The following DGKB variants were observed in gnomAD, a reference collection of about 807,000 sequenced individuals.
DGKB encodes the protein diacylglycerol kinase beta, also known as 90 kDa diacylglycerol kinase.
Under a neutral mutation model 114.3 loss-of-function variants are expected in DGKB, and 67 were observed. The ratio of observed to expected loss-of-function variants is 0.59; its 90% CI spans 0.48 to 0.72. The LOEUF (loss-of-function observed/expected upper bound fraction) is 0.72. Ranked by LOEUF, DGKB falls within the 30% of genes least tolerant of loss-of-function variation. The pLI, the probability that DGKB is intolerant of heterozygous loss-of-function variation, is 0.00. For synonymous variants in DGKB, 398 were observed against 323.1 expected, an observed-to-expected ratio of 1.23 and a Z score of -2.49; for missense variants, 907 against 975.2, an observed-to-expected ratio of 0.93 and a Z score of 0.93.
intron 1 of DGKB, among the ~76,000 whole-genome samples, chr7:14,870,042 G>T (rs1277716620): frequency 6.6e-6 from 1 of 152,036 alleles, no homozygotes; most frequent in Non-Finnish European, 1.5e-5. Context: ...ACCCAGAGTT[G>T]CATCTTGGGT....
At chr7:14,329,953 T>G (rs541579847) in intron 23 of DGKB, among the ~76,000 whole-genome samples, 1 of 152,110 alleles carries the variant, frequency 6.6e-6, no homozygotes, top group South Asian at 2.1e-4. Context: ...CTGCCACTAT[T>G]TTCAATAGAC....
Position 14,782,090 on chromosome 7 carries a change from T to C in DGKB, c.71-24359A>G, listed in dbSNP as rs537893553. ...CCCAGGCTGAAGTGCAGTGGTGAGA[T>C]CTCGGCTCACTGCAACCTCTCCCTC... On this transcript the variant is annotated intron_variant, in intron 2 of 25. Coordinates refer to ENST00000402815, the MANE Select transcript of DGKB (RefSeq NM_001350709.2). Among the ~76,000 whole-genome samples, 254 of 151,402 alleles carry C rather than the reference T, an allele frequency of 1.7e-3. 1 individual carries two copies. The highest frequency in any genetic ancestry group is 5.9e-3 in the African/African-American group (243 of 41,232).
intron 20 of DGKB, among the ~76,000 whole-genome samples, chr7:14,526,388 C>A (rs915787693): frequency 6.6e-6 from 1 of 151,992 alleles, no homozygotes; most frequent in African/African-American, 2.4e-5. Context: ...CCAGAGATCT[C>A]CCTGGGGGCG....
intron 23 of DGKB, among the ~76,000 whole-genome samples, chr7:14,332,999 G>C (rs1212465816): frequency 1.3e-5 from 2 of 152,146 alleles, no homozygotes; most frequent in African/African-American, 4.8e-5. Context: ...TCCATAATTT[G>C]AATATAATTA....
chr7:14,875,862 T>C (rs1587097469), intron 1 of DGKB, among the ~76,000 whole-genome samples: 1 of 152,064 alleles, frequency 6.6e-6, no homozygotes, highest in East Asian at 1.9e-4. Flanking sequence ...GTCATTAGTG[T>C]TAGTTGTATT....
At chr7:14,734,577 A>G (rs1007671431) in intron 5 of DGKB, among the ~76,000 whole-genome samples, 3 of 152,182 alleles carry the variant, frequency 2.0e-5, no homozygotes, top group African/African-American at 7.2e-5. Context: ...ACCAGATGTA[A>G]TTTACCCAGC....
intron 20 of DGKB, among the ~76,000 whole-genome samples, chr7:14,504,358 A>G (rs1222464538): frequency 1.3e-5 from 2 of 152,156 alleles, no homozygotes; most frequent in African/African-American, 4.8e-5. Flanking sequence ...AGCTGCTAGG[A>G]CAATCAGCTG....
At chr7:14,818,799 C>T (rs962753206) in intron 2 of DGKB, among the ~76,000 whole-genome samples, 9 of 152,054 alleles carry the variant, frequency 5.9e-5, no homozygotes, top group Admixed American at 5.9e-4. Context: ...TATATTTGGA[C>T]TGCTGTATGC....
chr7:14,585,896 A>T (rs1321271104), intron 17 of DGKB, among the ~76,000 whole-genome samples: 5 of 152,094 alleles, frequency 3.3e-5, no homozygotes, highest in Non-Finnish European at 4.4e-5. Flanking sequence ...AGAGAACATA[A>T]TTGTGAATGT....
chr7:14,430,991 T>A (rs1034189834), intron 21 of DGKB, among the ~76,000 whole-genome samples: 2 of 152,120 alleles, frequency 1.3e-5, no homozygotes, highest in Admixed American at 1.3e-4. Context: ...CTCTGAAGTA[T>A]CATTTTCCTG....
chr7:14,369,400 T>C (rs778441686), intron 21 of DGKB, among the ~76,000 whole-genome samples: 4 of 152,222 alleles, frequency 2.6e-5, no homozygotes, highest in Non-Finnish European at 5.9e-5. Context: ...TGTGTGTTTA[T>C]AGTAGAATGA....
At position 14,967,489 on chromosome 7, in the gene DGKB, T is replaced by C. The variant is rs375970634; in HGVS notation, c.-188+7207A>G. On this transcript the variant is annotated intron_variant, in intron 1 of 4. Coordinates refer to the DGKB transcript ENST00000437998. The stretch of plus-strand genomic sequence containing the variant: ...GCATGCACCACCACGCCTGACTAAT[T>C]TTTGTATTTTTAGTAGAGACGAGGT... Among the ~76,000 whole-genome samples the C allele has an allele frequency of 2.7e-4, 41 of 151,748 alleles. 1 individual carries two copies. In the South Asian group the frequency reaches 8.5e-3, roughly 32 times the overall value.
chr7:14,514,153 C>T lies in DGKB; in HGVS notation c.1771-35928G>A, dbSNP rs1215663289. On this transcript the variant is annotated intron_variant, in intron 20 of 25. Transcript: ENST00000402815. Reference sequence around the variant, plus strand: ...CTTAAATCACAAGGCTTTTATAGTTCTATCCAATGAAATTATTTTTATAAT... The same window carrying T: ...CTTAAATCACAAGGCTTTTATAGTTTTATCCAATGAAATTATTTTTATAAT... Among the ~76,000 whole-genome samples the T allele has an allele frequency of 4.6e-5, 7 of 151,976 alleles. No individual in the cohort carries two copies. The East Asian group carries it at 9.6e-4, about 21-fold the overall frequency.
At chr7:14,416,759 C>T (rs774717501) in intron 21 of DGKB, among the ~76,000 whole-genome samples, 3 of 152,060 alleles carry the variant, frequency 2.0e-5, no homozygotes, top group Non-Finnish European at 4.4e-5. Flanking sequence ...TACCAAGTCT[C>T]GGGTATGTCT....
intron 20 of DGKB, among the ~76,000 whole-genome samples, chr7:14,529,127 A>C (rs1206806198): frequency 6.6e-6 from 1 of 152,052 alleles, no homozygotes; most frequent in African/African-American, 2.4e-5. Flanking sequence ...ATTCTGAAAC[A>C]CACTAAAAAT....
intron 23 of DGKB, among the ~76,000 whole-genome samples, chr7:14,220,586 A>G: frequency 6.6e-6 from 1 of 151,406 alleles, no homozygotes; most frequent in East Asian, 1.9e-4. Context: ...AATCTTTTTG[A>G]AATATTATTT....
chr7:14,934,670 GAC>G (rs2128252183), intron 1 of DGKB, among the ~76,000 whole-genome samples: 1 of 152,120 alleles, frequency 6.6e-6, no homozygotes, highest in Non-Finnish European at 1.5e-5. Context: ...TATTCTACCT[GAC>G]ACAATAAAAT....
At chr7:14,808,183 T>G (rs1000581644) in intron 2 of DGKB, among the ~76,000 whole-genome samples, 1 of 152,064 alleles carries the variant, frequency 6.6e-6, no homozygotes, top group African/African-American at 2.4e-5. Context: ...TAAGTGATGT[T>G]TATATGAACA....
At chr7:14,469,694 T>C (rs953851376) in intron 21 of DGKB, among the ~76,000 whole-genome samples, 5 of 152,064 alleles carry the variant, frequency 3.3e-5, no homozygotes, top group Admixed American at 6.6e-5. Flanking sequence ...TTCTCATTTC[T>C]ACCTGCTCAG....
Sources: gnomAD v4.1 joint callset for allele counts (sites outside exome capture counted in the v4.1 genomes callset) on GRCh38, gnomAD v4.1.1 for gene constraint, MANE v1.5 for transcripts, NCBI Gene and HGNC (gene_info 2026-07-23, HGNC 2026-07-21) for gene names.